ZC3H12B: variants seen among roughly 807,000 people sequenced by gnomAD.
ZC3H12B encodes the protein zinc finger CCCH-type containing 12B.
ZC3H12B carries 7 observed loss-of-function variants against 43.9 expected under a neutral mutation model. That is an observed-to-expected ratio of 0.16 (90% CI 0.09 to 0.30). ZC3H12B has a LOEUF of 0.30. ZC3H12B is among the 10% of genes least tolerant of loss of function. ZC3H12B has a pLI of 1.00. For missense variants in ZC3H12B, 475 were observed against 670.2 expected (o/e 0.71, Z 3.22); for synonymous variants, 222 against 241.7 (o/e 0.92, Z 0.76).
chrX:65,440,422 A>G (rs888344118), intron 3 of ZC3H12B, among the ~76,000 whole-genome samples: 1 of 112,771 alleles, frequency 8.9e-6, no homozygotes, highest in Admixed American at 9.4e-5. Flanking sequence ...GTTAATAGGC[A>G]TATCAAAAGC....
the ZC3H12B span, among the ~76,000 whole-genome samples, chrX:65,229,061 A>G: frequency 9.0e-6 from 1 of 110,734 alleles, no homozygotes; most frequent in African/African-American, 3.3e-5. Flanking sequence ...ACCAAAAAAG[A>G]GCCCACATCG....
chrX:65,088,111 G>A, the ZC3H12B span, among the ~76,000 whole-genome samples: 2 of 111,895 alleles, frequency 1.8e-5, no homozygotes, highest in Admixed American at 9.4e-5. Flanking sequence ...GATGGTGACG[G>A]TGATAGTGTT....
chrX:65,164,573 C>A, the ZC3H12B span, among the ~76,000 whole-genome samples: 3 of 111,621 alleles, frequency 2.7e-5, no homozygotes, highest in Non-Finnish European at 3.8e-5. Context: ...AGATTAATAT[C>A]TTTGTTTCAA....
At chrX:65,206,972 G>C in the ZC3H12B span, among the ~76,000 whole-genome samples, 1 of 105,293 alleles carries the variant, frequency 9.5e-6, no homozygotes, top group Non-Finnish European at 1.9e-5. Context: ...CCTTACTCCC[G>C]CAAGAATGGC....
intron 2 of ZC3H12B, among the ~76,000 whole-genome samples, chrX:65,392,359 G>T (rs1388745737): frequency 1.8e-5 from 2 of 111,513 alleles, no homozygotes; most frequent in East Asian, 2.9e-4. Flanking sequence ...GGGATGTGGG[G>T]AGCACCTCTG....
the ZC3H12B span, among the ~76,000 whole-genome samples, chrX:65,222,636 AATAATAATAATAAT>A: frequency 2.7e-4 from 28 of 103,565 alleles, 1 homozygote; most frequent in South Asian, 0.011. Context: ...TAATAATAAT[AATAATAATAATAAT>A]AAAACACTTA....
chrX:65,341,796 CAAA>C, the ZC3H12B span, among the ~76,000 whole-genome samples: 1 of 97,811 alleles, frequency 1.0e-5, no homozygotes, highest in African/African-American at 3.7e-5. Context: ...AAAGCAACCA[CAAA>C]AAAAAAAAAA....
At chrX:65,141,915 A>G in the ZC3H12B span, among the ~76,000 whole-genome samples, 7 of 111,719 alleles carry the variant, frequency 6.3e-5, no homozygotes, top group Non-Finnish European at 1.1e-4. Flanking sequence ...CACTTGATTG[A>G]TGGGGATTTG....
chrX:65,382,110 G>A (rs2066449960), intron 2 of ZC3H12B, among the ~76,000 whole-genome samples: 1 of 111,835 alleles, frequency 8.9e-6, no homozygotes, highest in Admixed American at 9.5e-5. Flanking sequence ...TATGAGGCCA[G>A]CATCATCCTG....
exon 5 of ZC3H12B, chrX:65,506,889 T>C (rs1232571571): frequency 2.7e-5 from 3 of 111,165 alleles, no homozygotes; most frequent in Non-Finnish European, 5.7e-5. Context: ...AGATGCCTTA[T>C]GGAAATGGTC....
chrX:65,222,900 G>A, the ZC3H12B span, among the ~76,000 whole-genome samples: 1 of 110,248 alleles, frequency 9.1e-6, no homozygotes, highest in East Asian at 2.8e-4. Context: ...AAATCCATAT[G>A]GAACCAAAAA....
At chrX:65,088,660 C>A in the ZC3H12B span, among the ~76,000 whole-genome samples, 2 of 111,927 alleles carry the variant, frequency 1.8e-5, no homozygotes, top group Non-Finnish European at 3.8e-5. Flanking sequence ...TAATTTTCAA[C>A]CCTTAGTCTC....
In ZC3H12B at chrX:65,408,429, T is replaced by C. The variant is rs2066863103; in HGVS notation, n.407+9725T>C. The C allele has an allele frequency of 8.3e-6, 10 of 1,209,233 alleles. No individual in the cohort carries two copies. In the East Asian group the frequency reaches 3.0e-4, roughly 36 times the overall value. On this transcript the variant is annotated intron_variant and non_coding_transcript_variant, in intron 3 of 5. Coordinates refer to the ZC3H12B transcript ENST00000617377. ...GTCGAACGTGCCAAACAGGTGACCA[T>C]GGCAGAGTTGAATGCCATCATCGGG...
the ZC3H12B span, among the ~76,000 whole-genome samples, chrX:65,211,268 C>T: frequency 9.2e-6 from 1 of 108,927 alleles, no homozygotes; most frequent in South Asian, 3.9e-4. Flanking sequence ...CCTGTTCACT[C>T]AGATGATAGT....
chrX:65,248,183 C>T, the ZC3H12B span, among the ~76,000 whole-genome samples: 15 of 110,230 alleles, frequency 1.4e-4, no homozygotes, highest in Admixed American at 9.7e-5. Flanking sequence ...ACCACAGGAC[C>T]GCCACCACGC....
intron 3 of ZC3H12B, among the ~76,000 whole-genome samples, chrX:65,468,177 T>C (rs2067850886): frequency 8.9e-6 from 1 of 112,019 alleles, no homozygotes; most frequent in Non-Finnish European, 1.9e-5. Flanking sequence ...CATGTGTCTG[T>C]CTAGTTTTCC....
intron 3 of ZC3H12B, among the ~76,000 whole-genome samples, chrX:65,419,434 T>A (rs2066994316): frequency 8.9e-6 from 1 of 111,918 alleles, no homozygotes; most frequent in South Asian, 3.8e-4. Context: ...ATAGGACACT[T>A]CAGTGATTGT....
At chrX:65,334,883 A>G in the ZC3H12B span, among the ~76,000 whole-genome samples, 1 of 111,533 alleles carries the variant, frequency 9.0e-6, no homozygotes, top group Non-Finnish European at 1.9e-5. Context: ...TTACAAAGCA[A>G]CCCAATCAGC....
intron 1 of ZC3H12B, among the ~76,000 whole-genome samples, chrX:65,367,743 T>C (rs1440034412): frequency 1.8e-5 from 2 of 111,628 alleles, no homozygotes; most frequent in African/African-American, 3.3e-5. Context: ...CTATTTATTT[T>C]CTTGACACAC....
Sources: allele counts gnomAD v4.1 joint callset (sites outside exome capture counted in the v4.1 genomes callset), GRCh38; gene constraint gnomAD v4.1.1; transcripts MANE v1.5; gene names NCBI Gene and HGNC (gene_info 2026-07-23, HGNC 2026-07-21).